The following PPP1R9A variants were observed in gnomAD, a reference collection of about 807,000 sequenced individuals.
PPP1R9A encodes the protein neurabin-1.
Under a neutral mutation model 141.9 loss-of-function variants are expected in PPP1R9A, and 59 were observed. The ratio of observed to expected loss-of-function variants is 0.42; its 90% CI spans 0.34 to 0.52. The LOEUF is 0.52. PPP1R9A is among the 20% of genes least tolerant of loss of function. PPP1R9A has a pLI of 0.10. For synonymous variants in PPP1R9A, 500 were observed against 569.7 expected (o/e 0.88, Z 1.74); for missense variants, 1,444 against 1,611.9 (o/e 0.90, Z 1.78).
intron 7 of PPP1R9A, among the ~76,000 whole-genome samples, chr7:95,205,954 AT>A (rs1371239936): frequency 2.0e-5 from 3 of 152,112 alleles, no homozygotes; most frequent in African/African-American, 4.8e-5. Flanking sequence ...AATCTTCTTC[AT>A]GTAAAACCAG....
At chr7:95,121,251 G>A (rs1822510864) in intron 4 of PPP1R9A, among the ~76,000 whole-genome samples, 1 of 152,116 alleles carries the variant, frequency 6.6e-6, no homozygotes, top group Non-Finnish European at 1.5e-5. Flanking sequence ...CTGTATTGAT[G>A]GTAATTCTGA....
chr7:95,294,011 T>G lies in PPP1R9A; in HGVS notation c.*3708T>G, dbSNP rs965217284. On this transcript the variant is annotated 3_prime_UTR_variant, in exon 20 of 20. Coordinates refer to ENST00000433360, the MANE Select transcript of PPP1R9A (RefSeq NM_001166160.2). ...GTAGCCCCATCATTACACTGAGATATTTCCATTTGAGTAACTAAAGGTACT... is the reference window on the plus strand; with the variant it reads ...GTAGCCCCATCATTACACTGAGATAGTTCCATTTGAGTAACTAAAGGTACT... 1.3e-5 allele frequency: 2 copies of G among 152,168 alleles called. No individual in the cohort carries two copies. Among genetic ancestry groups the G allele is most frequent in the African/African-American group, 4.8e-5 (2 of 41,436 alleles). The allele number at this position is 152,168 out of a possible 1,614,324, so 9.4% of individuals were successfully genotyped here.
Position 95,290,435 on chromosome 7 carries a change from G to C in PPP1R9A, c.*132G>C, listed in dbSNP as rs1806202864. On this transcript the variant is annotated 3_prime_UTR_variant, in exon 20 of 20. Transcript: ENST00000433360. ...GCGGCTCTAGGCCGGCTGAGGAACT[G>C]TGTGTTGAATAACTGCATTTTCTGC... is the stretch of plus-strand genomic sequence containing the variant. The C allele has an allele frequency of 2.9e-6, 3 of 1,029,310 alleles. No homozygotes were observed. The highest frequency in any genetic ancestry group is 4.1e-6 in the Non-Finnish European group (3 of 723,302). The allele number at this position is 1,029,310 out of a possible 1,614,324, so 63.8% of individuals were successfully genotyped here.
intron 4 of PPP1R9A, among the ~76,000 whole-genome samples, chr7:95,140,310 A>T (rs1024581008): frequency 2.6e-5 from 4 of 152,216 alleles, no homozygotes; most frequent in African/African-American, 9.6e-5. Flanking sequence ...AAGTGGGAGA[A>T]GGCATATATA....
At chr7:94,943,260 G>C (rs1164881506) in intron 2 of PPP1R9A, among the ~76,000 whole-genome samples, 1 of 152,188 alleles carries the variant, frequency 6.6e-6, no homozygotes, top group African/African-American at 2.4e-5. Context: ...TATCTCCCCA[G>C]AGGGGTATAG....
chr7:95,035,424 A>G (rs533599859), intron 2 of PPP1R9A, among the ~76,000 whole-genome samples: 1 of 152,224 alleles, frequency 6.6e-6, no homozygotes, highest in South Asian at 2.1e-4. Flanking sequence ...TTATATTTAT[A>G]TATCTTTTCT....
intron 8 of PPP1R9A, among the ~76,000 whole-genome samples, chr7:95,230,122 C>T (rs1179836154): frequency 1.3e-5 from 2 of 152,072 alleles, no homozygotes; most frequent in Non-Finnish European, 2.9e-5. Context: ...GAGAGAACAC[C>T]AAATCAAGGC....
chr7:95,025,903 G>A (rs912167581), intron 2 of PPP1R9A, among the ~76,000 whole-genome samples: 1 of 151,962 alleles, frequency 6.6e-6, no homozygotes, highest in Non-Finnish European at 1.5e-5. Flanking sequence ...GAAGTTCTTG[G>A]GCTTTGCTTT....
At chr7:95,172,622 G>A (rs1832294761) in intron 5 of PPP1R9A, among the ~76,000 whole-genome samples, 1 of 151,750 alleles carries the variant, frequency 6.6e-6, no homozygotes, top group Non-Finnish European at 1.5e-5. Context: ...ATTGCTGACA[G>A]AACACAAAGA....
intron 2 of PPP1R9A, among the ~76,000 whole-genome samples, chr7:94,972,840 G>C (rs1008068087): frequency 4.6e-5 from 7 of 152,158 alleles, no homozygotes; most frequent in Non-Finnish European, 8.8e-5. Flanking sequence ...CCATGTTACT[G>C]ATGGGGAGAC....
intron 2 of PPP1R9A, among the ~76,000 whole-genome samples, chr7:94,933,316 C>T (rs1794391583): frequency 6.6e-6 from 1 of 152,148 alleles, no homozygotes; most frequent in Non-Finnish European, 1.5e-5. Context: ...GTCAGAAATA[C>T]AACCAAGGTG....
At chr7:94,908,697 G>C (rs1364817245) in intron 1 of PPP1R9A, 2 of 152,266 alleles carry the variant, frequency 1.3e-5, no homozygotes, top group African/African-American at 4.8e-5. Context: ...TGGCGGGGGA[G>C]GGAATGGGGG....
At chr7:94,939,832 A>G (rs1217817621) in intron 2 of PPP1R9A, among the ~76,000 whole-genome samples, 3 of 151,334 alleles carry the variant, frequency 2.0e-5, no homozygotes, top group Admixed American at 6.6e-5. Context: ...ACACACACAC[A>G]CACACACACA....
Position 95,284,169 on chromosome 7 carries a change from C to T in PPP1R9A, c.3448C>T (p.Leu1150Phe), listed in dbSNP as rs748187111. The change falls in exon 17 of 20, where the codon CTT becomes TTT. Residue 1150 changes from leucine (L) to phenylalanine (F), a missense_variant. Leu to Phe is a conservative substitution (Grantham distance 22). Transcript: ENST00000433360. ...FRNLPAPTSSLQPSPETLISD... is the reference protein window; with the variant it reads ...FRNLPAPTSSFQPSPETLISD... ...GAACCTGCCTGCGCCTACAAGTTCC[C>T]TTCAGCCTTCTCCTGAGACTCTAAT... 1.9e-6 allele frequency: 3 copies of T among 1,587,252 alleles called. No individual in the cohort carries two copies.
chr7:95,151,941 C>CTTTTTTTTTT lies in PPP1R9A; in HGVS notation c.1650-9906_1650-9897dup, dbSNP rs1167382285. ...AATGTCAGCACATAGTACTGAGAAT[C>CTTTTTTTTTT]TTTTTTTTTTTTTTTTTTTTTTTTT... On this transcript the variant is annotated intron_variant, in intron 4 of 19. Transcript: ENST00000433360. Among the ~76,000 whole-genome samples the CTTTTTTTTTT allele has an allele frequency of 3.2e-3, 172 of 54,470 alleles. 23 individuals carry two copies. Among genetic ancestry groups the CTTTTTTTTTT allele is most frequent in the East Asian group, 0.013 (19 of 1,428 alleles). 35.7% of individuals were successfully genotyped at this position (54,470 alleles called of 152,430 possible).
At chr7:95,233,372 G>A (rs964959325) in intron 8 of PPP1R9A, among the ~76,000 whole-genome samples, 1 of 151,974 alleles carries the variant, frequency 6.6e-6, no homozygotes, top group East Asian at 1.9e-4. Context: ...CCTGTCAGGG[G>A]GTGGGGGGCA....
intron 2 of PPP1R9A, among the ~76,000 whole-genome samples, chr7:94,934,868 A>G (rs1794595672): frequency 6.6e-6 from 1 of 151,914 alleles, no homozygotes; most frequent in African/African-American, 2.4e-5. Flanking sequence ...ACACACACAT[A>G]TATTTTAAGA....
chr7:95,159,833 G>A lies in PPP1R9A; in HGVS notation c.1650-2034G>A, dbSNP rs558435992. 1.2e-4 allele frequency among the ~76,000 whole-genome samples: 18 copies of A among 151,382 alleles called. 1 individual carries two copies. The East Asian group carries it at 3.3e-3, about 28-fold the overall frequency. On this transcript the variant is annotated intron_variant, in intron 4 of 19. Coordinates refer to ENST00000433360, the MANE Select transcript of PPP1R9A (RefSeq NM_001166160.2). ...CCCAGCTATTCAGGAGGCTGAGGCA[G>A]GAGAATCTCTTGAACCCGGGAGGCG...
At chr7:94,956,657 A>C (rs1797103955) in intron 2 of PPP1R9A, among the ~76,000 whole-genome samples, 1 of 152,056 alleles carries the variant, frequency 6.6e-6, no homozygotes, top group Admixed American at 6.6e-5. Flanking sequence ...GCAGTGAGCT[A>C]TGATTGCGCT....
Sources: allele counts gnomAD v4.1 joint callset (sites outside exome capture counted in the v4.1 genomes callset), GRCh38; gene constraint gnomAD v4.1.1; transcripts MANE v1.5; gene names NCBI Gene and HGNC (gene_info 2026-07-23, HGNC 2026-07-21).